The following GPC6 variants were observed in gnomAD, a reference collection of about 807,000 sequenced individuals.
The protein encoded by GPC6 is glypican 6, also known as glypican-6.
GPC6 carries 14 observed loss-of-function variants against 55.2 expected under a neutral mutation model. The observed-to-expected ratio is 0.25, with a 90% CI of 0.17 to 0.40. The LOEUF is 0.40. Ranked by LOEUF, GPC6 falls within the 10% of genes least tolerant of loss-of-function variation. The pLI is 1.00. For synonymous variants in GPC6, 278 were observed against 259.6 expected (o/e 1.07, Z -0.68); for missense variants, 641 against 708.5 (o/e 0.90, Z 1.08).
At chr13:94,149,091 G>A (rs930238691) in intron 4 of GPC6, among the ~76,000 whole-genome samples, 1 of 152,040 alleles carries the variant, frequency 6.6e-6, no homozygotes, top group Non-Finnish European at 1.5e-5. Context: ...CTTTTTCATG[G>A]TCTCTTTTCT....
intron 1 of GPC6, among the ~76,000 whole-genome samples, chr13:93,302,776 T>G (rs192357050): frequency 1.0e-3 from 152 of 152,242 alleles, no homozygotes; most frequent in African/African-American, 3.7e-3. Context: ...GCATAGCATT[T>G]GGTGAGGAGA....
chr13:94,271,382 G>A (rs9561528), intron 4 of GPC6, among the ~76,000 whole-genome samples: 36,471 of 126,358 alleles, frequency 0.29, 4,984 homozygotes, highest in East Asian at 0.59. Flanking sequence ...GCGCGCGCGC[G>A]CACACACACA....
chr13:94,095,380 A>T (rs971535416), intron 4 of GPC6, among the ~76,000 whole-genome samples: 4 of 152,206 alleles, frequency 2.6e-5, no homozygotes, highest in Admixed American at 1.3e-4. Context: ...TGTAATTTAT[A>T]ATTCTCTAGT....
chr13:93,280,411 G>A (rs1008194233), intron 1 of GPC6, among the ~76,000 whole-genome samples: 1 of 152,110 alleles, frequency 6.6e-6, no homozygotes, highest in Admixed American at 6.5e-5. Context: ...TTTCTACAAA[G>A]ATGCAAACTA....
At chr13:93,575,111 C>T (rs1169799696) in intron 2 of GPC6, among the ~76,000 whole-genome samples, 3 of 151,890 alleles carry the variant, frequency 2.0e-5, no homozygotes, top group Non-Finnish European at 4.4e-5. Flanking sequence ...TTGGGCAACA[C>T]GGCGAAACCC....
rs1000973242 is a variant in GPC6 at position 94,130,519 on chromosome 13, A to G, written c.877+102625A>G. On this transcript the variant is annotated intron_variant, in intron 4 of 8. Coordinates refer to ENST00000377047, the MANE Select transcript of GPC6 (RefSeq NM_005708.5). ...CAGCCTAAACCAGCATTCTAAGTGC[A>G]GAAGAGAACTTCAAGATTGTCAAGA... Among the ~76,000 whole-genome samples, 4 of 152,204 alleles carry G rather than the reference A, an allele frequency of 2.6e-5. No homozygotes were observed. The East Asian group carries it at 7.7e-4, about 29-fold the overall frequency.
intron 1 of GPC6, among the ~76,000 whole-genome samples, chr13:93,537,117 C>T (rs1045824232): frequency 3.9e-5 from 6 of 152,136 alleles, no homozygotes; most frequent in African/African-American, 1.2e-4. Context: ...ACCCGCGCCC[C>T]AAATATCTAT....
intron 4 of GPC6, among the ~76,000 whole-genome samples, chr13:94,069,463 C>T (rs1884652320): frequency 1.3e-5 from 2 of 152,154 alleles, no homozygotes; most frequent in Non-Finnish European, 2.9e-5. Context: ...CATTCGCCTC[C>T]TCATTACTTA....
At chr13:94,252,404 C>G (rs1891378961) in intron 4 of GPC6, among the ~76,000 whole-genome samples, 1 of 152,092 alleles carries the variant, frequency 6.6e-6, no homozygotes, top group African/African-American at 2.4e-5. Context: ...TTTTGTTAGG[C>G]TGGCTCTCAT....
At chr13:93,269,770 CAAAAA>C (rs55928643) in intron 1 of GPC6, among the ~76,000 whole-genome samples, 1 of 114,594 alleles carries the variant, frequency 8.7e-6, no homozygotes, top group African/African-American at 3.3e-5. Context: ...CTAAAAATAC[CAAAAA>C]AAAAAAAAAA....
At chr13:93,451,904 A>T (rs367662580) in intron 1 of GPC6, among the ~76,000 whole-genome samples, 7 of 152,216 alleles carry the variant, frequency 4.6e-5, no homozygotes, top group African/African-American at 1.7e-4. Context: ...AGAGCAGTGT[A>T]TTTCAGAAAA....
intron 1 of GPC6, among the ~76,000 whole-genome samples, chr13:93,522,687 G>A (rs1343250543): frequency 2.6e-5 from 4 of 151,850 alleles, no homozygotes; most frequent in Non-Finnish European, 5.9e-5. Context: ...AACAGTGGAT[G>A]TAGCCAGTGT....
intron 1 of GPC6, among the ~76,000 whole-genome samples, chr13:93,345,116 T>C (rs1880383832): frequency 6.6e-6 from 1 of 152,160 alleles, no homozygotes; most frequent in Admixed American, 6.6e-5. Context: ...GGGTATGTGA[T>C]TAAAATGTTG....
At chr13:93,376,359 G>T (rs993390206) in intron 1 of GPC6, among the ~76,000 whole-genome samples, 2 of 152,086 alleles carry the variant, frequency 1.3e-5, no homozygotes, top group East Asian at 3.9e-4. Flanking sequence ...CACAGTACTA[G>T]ATATCGAAAA....
chr13:94,123,204 AAT>A (rs1363796203), intron 4 of GPC6, among the ~76,000 whole-genome samples: 2 of 152,076 alleles, frequency 1.3e-5, no homozygotes, highest in African/African-American at 4.8e-5. Context: ...ACGTTACAGA[AAT>A]ATGCTTTAAA....
At chr13:93,643,927 C>T (rs1880066141) in intron 2 of GPC6, among the ~76,000 whole-genome samples, 1 of 152,052 alleles carries the variant, frequency 6.6e-6, no homozygotes, top group African/African-American at 2.4e-5. Context: ...TTATTCAATA[C>T]ATCATCATTT....
intron 2 of GPC6, among the ~76,000 whole-genome samples, chr13:93,554,145 C>CAA (rs35616377): frequency 1.2e-3 from 168 of 136,940 alleles, no homozygotes; most frequent in Middle Eastern, 4.1e-3. Flanking sequence ...GAGACTCTGT[C>CAA]AAAAAAAAAA....
chr13:93,726,444 G>A (rs1016700539), intron 2 of GPC6, among the ~76,000 whole-genome samples: 1 of 152,068 alleles, frequency 6.6e-6, no homozygotes, highest in Non-Finnish European at 1.5e-5. Context: ...AGTTTTGAAT[G>A]TGTTGACCTT....
intron 1 of GPC6, among the ~76,000 whole-genome samples, chr13:93,511,687 T>A (rs916960352): frequency 2.0e-5 from 3 of 152,006 alleles, no homozygotes; most frequent in African/African-American, 7.2e-5. Context: ...TTTAGGATCG[T>A]TTTTTCTAAT....
Sources: gnomAD v4.1 joint callset for allele counts (sites outside exome capture counted in the v4.1 genomes callset) on GRCh38, gnomAD v4.1.1 for gene constraint, MANE v1.5 for transcripts, NCBI Gene and HGNC (gene_info 2026-07-23, HGNC 2026-07-21) for gene names.